MTHFD1L: variants seen among roughly 807,000 people sequenced by gnomAD.
MTHFD1L encodes monofunctional C1-tetrahydrofolate synthase, mitochondrial.
MTHFD1L carries 81 observed loss-of-function variants against 119.5 expected under a neutral mutation model. The ratio of observed to expected loss-of-function variants is 0.68; its 90% CI spans 0.57 to 0.82. MTHFD1L has a LOEUF of 0.82. Among genes scored for constraint, MTHFD1L ranks in the 40% least tolerant of loss-of-function variants. The probability of loss-of-function intolerance (pLI) is 0.00; values close to 1 mark genes in which losing one functional copy is unlikely to be tolerated. For missense variants in MTHFD1L, 1,125 were observed against 1,253.4 expected (o/e 0.90, Z 1.55); for synonymous variants, 430 against 475.2 (o/e 0.90, Z 1.24).
intron 17 of MTHFD1L, among the ~76,000 whole-genome samples, chr6:150,956,850 G>A (rs992750772): frequency 2.0e-5 from 3 of 149,428 alleles, no homozygotes; most frequent in African/African-American, 7.4e-5. Context: ...AAAAGTGAAT[G>A]TAGGTATTGG....
At chr6:151,011,945 G>C (rs1352740752) in intron 21 of MTHFD1L, among the ~76,000 whole-genome samples, 1 of 137,944 alleles carries the variant, frequency 7.2e-6, no homozygotes, top group African/African-American at 2.7e-5. Context: ...AGGTTGCAGT[G>C]ATCTGAGATT....
At chr6:150,995,940 C>T (rs1011442182) in intron 20 of MTHFD1L, among the ~76,000 whole-genome samples, 3 of 150,882 alleles carry the variant, frequency 2.0e-5, no homozygotes, top group Non-Finnish European at 2.9e-5. Flanking sequence ...GGATTACAGG[C>T]GTGAGCCACG....
At chr6:150,967,541 C>CA (rs1797396535) in intron 19 of MTHFD1L, among the ~76,000 whole-genome samples, 3 of 152,186 alleles carry the variant, frequency 2.0e-5, no homozygotes, top group African/African-American at 7.2e-5. Flanking sequence ...AAAGCCATTT[C>CA]AAACTGATAC....
At chr6:151,062,769 C>T (rs1042956881) in intron 26 of MTHFD1L, among the ~76,000 whole-genome samples, 1 of 152,080 alleles carries the variant, frequency 6.6e-6, no homozygotes, top group African/African-American at 2.4e-5. Flanking sequence ...ACACATTTCT[C>T]CAGTTTTGGA....
At chr6:150,880,528 CT>C (rs112033329) in intron 4 of MTHFD1L, among the ~76,000 whole-genome samples, 1,845 of 152,346 alleles carry the variant, frequency 0.012, 37 homozygotes, top group African/African-American at 0.042. Flanking sequence ...TTGGTTCCAT[CT>C]CTTGGCTACT....
intron 20 of MTHFD1L, among the ~76,000 whole-genome samples, chr6:150,974,193 A>T (rs1372385513): frequency 1.3e-5 from 2 of 152,146 alleles, no homozygotes; most frequent in East Asian, 3.9e-4. Context: ...CCTGTAAAAT[A>T]GGGCTTTGGA....
intron 7 of MTHFD1L, among the ~76,000 whole-genome samples, chr6:150,899,982 G>T (rs562485615): frequency 1.4e-4 from 20 of 146,826 alleles, no homozygotes; most frequent in Admixed American, 6.2e-4. Flanking sequence ...AAAAAAAATA[G>T]ATATATATAT....
intron 8 of MTHFD1L, among the ~76,000 whole-genome samples, chr6:150,914,286 G>C: frequency 6.6e-6 from 1 of 152,126 alleles, no homozygotes; most frequent in South Asian, 2.1e-4. Flanking sequence ...GATCGGGCCA[G>C]ACCTTATCTC....
chr6:150,997,464 G>A (rs1779953525), intron 20 of MTHFD1L, among the ~76,000 whole-genome samples: 1 of 152,120 alleles, frequency 6.6e-6, no homozygotes, highest in Non-Finnish European at 1.5e-5. Context: ...CTTCATCTTT[G>A]GGCTATGATT....
intron 26 of MTHFD1L, among the ~76,000 whole-genome samples, chr6:151,047,549 G>A (rs1344452131): frequency 6.6e-6 from 1 of 152,154 alleles, no homozygotes; most frequent in Non-Finnish European, 1.5e-5. Flanking sequence ...CATTAAGTAC[G>A]CTTCCCAGGC....
At chr6:150,999,117 AT>A (rs1349701347) in intron 20 of MTHFD1L, among the ~76,000 whole-genome samples, 2 of 152,242 alleles carry the variant, frequency 1.3e-5, no homozygotes, top group Non-Finnish European at 2.9e-5. Context: ...ATATGCAAAT[AT>A]TACAAAATCT....
rs760351758 is a variant in MTHFD1L at position 151,037,112 on chromosome 6, G to A, written c.2842G>A (p.Gly948Arg). ...IGAGFIYPLV[G>R]TMSTMPGLPT... is the part of the protein sequence containing the mutation. ...CGCTGGGTTCATTTACCCTTTGGTC[G>A]GAACGGTGAGTGAGTCACATTTTCC... is the stretch of plus-strand genomic sequence containing the variant. Residue 948 changes from glycine (G) to arginine (R), a missense_variant, in exon 26 of 28, where the codon GGA becomes AGA. Gly to Arg is a moderately radical substitution (Grantham distance 125). Around this residue, in one of 3 missense-constraint regions of MTHFD1L, gnomAD observed 61 missense variants for 78.9 expected, o/e 0.77. Coordinates refer to ENST00000367321, the MANE Select transcript of MTHFD1L (RefSeq NM_015440.5). 6.9e-5 allele frequency: 111 copies of A among 1,611,800 alleles called. No homozygotes were observed. Among genetic ancestry groups the A allele is most frequent in the Non-Finnish European group, 8.8e-5 (104 of 1,179,812 alleles).
intron 1 of MTHFD1L, 38 bp from the exon 2 acceptor site, chr6:150,876,052 A>T (rs374461356): frequency 6.7e-7 from 1 of 1,493,778 alleles, no homozygotes; most frequent in African/African-American, 1.4e-5. Context: ...CTACTCATTA[A>T]CCAAGAAATC....
intron 20 of MTHFD1L, among the ~76,000 whole-genome samples, chr6:150,990,909 G>A (rs779907904): frequency 4.6e-5 from 7 of 152,176 alleles, no homozygotes; most frequent in African/African-American, 7.2e-5. Context: ...AGGCTGGAGC[G>A]CAGTGGTGCG....
At chr6:150,960,535 A>G (rs934210286) in intron 18 of MTHFD1L, 120 bp downstream of exon 18, 4 of 1,305,374 alleles carry the variant, frequency 3.1e-6, no homozygotes, top group Admixed American at 2.7e-5. Flanking sequence ...AAAAGTTTCC[A>G]CACACACATT....
intron 20 of MTHFD1L, among the ~76,000 whole-genome samples, chr6:150,989,487 T>C (rs1437623897): frequency 6.6e-6 from 1 of 152,200 alleles, no homozygotes; most frequent in Non-Finnish European, 1.5e-5. Flanking sequence ...ATGTACAGAA[T>C]AATTATATAA....
At chr6:151,019,216 C>CTCTGATCACGCCATCTGATCATGCCA (rs372055456) in intron 24 of MTHFD1L, among the ~76,000 whole-genome samples, 34,660 of 151,962 alleles carry the variant, frequency 0.23, 4,266 homozygotes, top group Middle Eastern at 0.3. Context: ...GTGAGTGTGC[C>CTCTGATCACGCCATCTGATCATGCCA]TCTGATCATG....
intron 1 of MTHFD1L, among the ~76,000 whole-genome samples, chr6:150,875,404 G>A (rs1780272306): frequency 6.6e-6 from 1 of 152,102 alleles, no homozygotes; most frequent in Admixed American, 6.6e-5. Flanking sequence ...CCTCAGAGGT[G>A]GGAGGTGAAG....
chr6:150,919,569 T>C (rs975368925), intron 9 of MTHFD1L, among the ~76,000 whole-genome samples: 1 of 152,116 alleles, frequency 6.6e-6, no homozygotes, highest in Non-Finnish European at 1.5e-5. Context: ...AACACAGGCA[T>C]CTGCTTCTGG....
Sources: allele counts gnomAD v4.1 joint callset (sites outside exome capture counted in the v4.1 genomes callset), GRCh38; gene constraint gnomAD v4.1.1; regional missense constraint gnomAD v4.1.1; transcripts MANE v1.5; gene names NCBI Gene and HGNC (gene_info 2026-07-23, HGNC 2026-07-21).